ACSM4: variants seen among roughly 807,000 people sequenced by gnomAD.
ACSM4 encodes acyl-coenzyme A synthetase ACSM4, mitochondrial.
A neutral mutation model predicts 73.0 loss-of-function variants in ACSM4; 66 were observed. That is an observed-to-expected ratio of 0.90 (90% CI 0.74 to 1.11). ACSM4 has a LOEUF of 1.11. Ranked by LOEUF, ACSM4 falls within the 50% of genes least tolerant of loss-of-function variation. The probability of loss-of-function intolerance (pLI) is 0.00; values close to 1 mark genes in which losing one functional copy is unlikely to be tolerated. For missense variants in ACSM4, 645 were observed against 714.4 expected (o/e 0.90, Z 1.11); for synonymous variants, 222 against 254.0 (o/e 0.87, Z 1.20).
At chr12:7,308,647 T>G (rs1946373665) in intron 2 of ACSM4, among the ~76,000 whole-genome samples, 1 of 152,172 alleles carries the variant, frequency 6.6e-6, no homozygotes, top group African/African-American at 2.4e-5. Context: ...GAACAAGTGG[T>G]TTGTAAAATA....
At chr12:7,311,435 C>T (rs750587880) in intron 3 of ACSM4, among the ~76,000 whole-genome samples, 2 of 152,194 alleles carry the variant, frequency 1.3e-5, no homozygotes, top group African/African-American at 4.8e-5. Context: ...TTCCTTTTCA[C>T]GAGTGGCTCC....
chr12:7,320,630 T>C (rs1050615545), intron 5 of ACSM4, 95 bp from the exon 6 acceptor site: 3 of 1,028,448 alleles, frequency 2.9e-6, no homozygotes, highest in African/African-American at 1.6e-5. Flanking sequence ...GATGGGCACA[T>C]ATTAATGGAA....
rs747700157 is a variant in ACSM4 at position 7,323,494 on chromosome 12, C to T, written c.1242C>T (p.Gly414=). The change falls in exon 9 of 13, where the codon GGC becomes GGT. Residue 414 remains glycine, a synonymous_variant. Coordinates refer to ENST00000399422, the MANE Select transcript of ACSM4 (RefSeq NM_001080454.2). ...AAAATGGCAATGTTCTACCACCTGG[C>T]AAAGAAGGGGAAATTGCCCTCAGAC... The part of the protein sequence containing the change: ...IDENGNVLPP[G]KEGEIALRLK... 1 of 1,613,922 alleles carries T rather than the reference C, an allele frequency of 6.2e-7. No individual in the cohort carries two copies. Among genetic ancestry groups the T allele is most frequent in the Non-Finnish European group, 8.5e-7 (1 of 1,179,840 alleles).
At chr12:7,316,370 T>A (rs1946420577) in intron 3 of ACSM4, among the ~76,000 whole-genome samples, 1 of 152,156 alleles carries the variant, frequency 6.6e-6, no homozygotes, top group Non-Finnish European at 1.5e-5. Flanking sequence ...TTAAAGGCCA[T>A]AAAACAGGAT....
intron 6 of ACSM4, 56 bp downstream of exon 6, chr12:7,320,860 A>G: frequency 1.4e-6 from 2 of 1,427,372 alleles, no homozygotes; most frequent in Non-Finnish European, 9.8e-7. Context: ...ATCCAGGATC[A>G]CAGATCTCTC....
At chr12:7,306,368 G>A (rs1010162031) in intron 1 of ACSM4, among the ~76,000 whole-genome samples, 165 bp from the exon 2 acceptor site, 1 of 152,188 alleles carries the variant, frequency 6.6e-6, no homozygotes, top group Non-Finnish European at 1.5e-5. Context: ...CTCTTTTCAA[G>A]GCTGTGTTCA....
At chr12:7,328,212 C>G (rs1466840384) in intron 12 of ACSM4, 75 bp from the exon 13 acceptor site, 6 of 1,160,424 alleles carry the variant, frequency 5.2e-6, no homozygotes, top group Non-Finnish European at 7.4e-6. Context: ...GAGTTCCATG[C>G]AAGCTCCTTC....
At chr12:7,305,774 G>A (rs965094027) in intron 1 of ACSM4, among the ~76,000 whole-genome samples, 3 of 152,222 alleles carry the variant, frequency 2.0e-5, no homozygotes, top group African/African-American at 7.2e-5. Context: ...GAACTGACAT[G>A]TCAACAGGGC....
Position 7,304,363 on chromosome 12 carries a change from G to A in ACSM4, c.32G>A (p.Arg11Lys). The change falls in exon 1 of 13, where the codon AGA (arginine) becomes AAA (lysine). Residue 11 changes from arginine to lysine, a missense_variant. By Grantham distance (26) the Arg-to-Lys change is conservative. Transcript: ENST00000399422. MKIFFRYQTF[R>K]FIWLTKPPGR... ...ATTTTTTTCCGCTACCAGACATTTA[G>A]ATTCATCTGGCTCACCAAGCCACCT... The A allele has an allele frequency of 6.2e-7, 1 of 1,613,922 alleles. No individual in the cohort carries two copies. Among genetic ancestry groups the A allele is most frequent in the Non-Finnish European group, 8.5e-7 (1 of 1,179,860 alleles).
At chr12:7,317,578 C>T (rs1024977065) in intron 4 of ACSM4, among the ~76,000 whole-genome samples, 5 of 152,136 alleles carry the variant, frequency 3.3e-5, no homozygotes, top group Admixed American at 1.3e-4. Context: ...AGAGGCTATC[C>T]GACCATTGTC....
intron 6 of ACSM4, among the ~76,000 whole-genome samples, chr12:7,321,878 G>A (rs1772090711): frequency 1.3e-5 from 2 of 152,210 alleles, no homozygotes; most frequent in Non-Finnish European, 2.9e-5. Flanking sequence ...AGAATTTAAT[G>A]TAAGTGACAT....
At chr12:7,316,672 T>C (rs1248331409) in intron 3 of ACSM4, among the ~76,000 whole-genome samples, 1 of 152,182 alleles carries the variant, frequency 6.6e-6, no homozygotes, top group Non-Finnish European at 1.5e-5. Flanking sequence ...GCCGCAGATA[T>C]TGAAGATACT....
intron 1 of ACSM4, among the ~76,000 whole-genome samples, chr12:7,306,017 A>C (rs1946359663): frequency 6.6e-6 from 1 of 152,192 alleles, no homozygotes; most frequent in African/African-American, 2.4e-5. Context: ...GGGTACAAAG[A>C]GATGTCTGCT....
rs759774153 is a variant in ACSM4, at chr12:7,304,312, G to C, written c.-20G>C. On this transcript the variant is annotated 5_prime_UTR_variant, in exon 1 of 13. Transcript: ENST00000399422. ...TAGTACTTCTGTGTCCATAGCAGTAGACAAAGTCCTTTGGGAACCATGAAG... is the reference window on the plus strand; with the variant it reads ...TAGTACTTCTGTGTCCATAGCAGTACACAAAGTCCTTTGGGAACCATGAAG... The C allele has an allele frequency of 6.2e-7, 1 of 1,612,562 alleles. No homozygotes were observed. The highest frequency in any genetic ancestry group is 1.3e-5 in the African/African-American group (1 of 74,990).
intron 5 of ACSM4, among the ~76,000 whole-genome samples, chr12:7,320,151 T>C (rs1353486064): frequency 4.6e-5 from 7 of 152,186 alleles, no homozygotes; most frequent in Non-Finnish European, 1.0e-4. Context: ...TCTAAAACAT[T>C]AGTATTTCTC....
rs1390022563 is a variant in ACSM4, at chr12:7,317,263, G to A, written c.747G>A (p.Gly249=). 5 of 1,579,782 alleles carry A rather than the reference G, an allele frequency of 3.2e-6. No homozygotes were observed. In the South Asian group the frequency reaches 4.6e-5, roughly 15 times the overall value. The change falls in exon 4 of 13, where the codon GGG becomes GGA. Residue 249 remains glycine, a synonymous_variant. Coordinates refer to ENST00000399422, the MANE Select transcript of ACSM4 (RefSeq NM_001080454.2). ...AQHSQSSLGI[G]FTLCGRYWLD... is the part of the protein sequence containing the mutation. ...ACTCTCAGAGCAGCCTCGGCATTGG[G>A]TTCACCCTCTGCGGAAGGTAGGGAA...
At chr12:7,306,997 G>C (rs1205812949) in intron 2 of ACSM4, among the ~76,000 whole-genome samples, 1 of 152,212 alleles carries the variant, frequency 6.6e-6, no homozygotes, top group Non-Finnish European at 1.5e-5. Flanking sequence ...GCTCACGCCT[G>C]TAAGCCCAGT....
At chr12:7,313,982 T>C (rs1194259924) in intron 3 of ACSM4, among the ~76,000 whole-genome samples, 1 of 152,182 alleles carries the variant, frequency 6.6e-6, no homozygotes, top group Non-Finnish European at 1.5e-5. Context: ...CTGGCAAATA[T>C]GTAGAGGATT....
chr12:7,319,339 C>G (rs1214261922), intron 5 of ACSM4, among the ~76,000 whole-genome samples: 1 of 152,088 alleles, frequency 6.6e-6, no homozygotes, highest in Non-Finnish European at 1.5e-5. Context: ...CAGGCATAAT[C>G]CCAGCACTTT....
Sources: gnomAD v4.1 joint callset for allele counts (sites outside exome capture counted in the v4.1 genomes callset) on GRCh38, gnomAD v4.1.1 for gene constraint, MANE v1.5 for transcripts, NCBI Gene and HGNC (gene_info 2026-07-23, HGNC 2026-07-21) for gene names.